PLA2G4C: variants seen among roughly 807,000 people sequenced by gnomAD.
PLA2G4C encodes phospholipase A2 group IVC.
A neutral mutation model predicts 73.8 loss-of-function variants in PLA2G4C; 64 were observed. The observed-to-expected ratio is 0.87, with a 90% confidence interval of 0.71 to 1.07. The LOEUF (loss-of-function observed/expected upper bound fraction) is 1.07. PLA2G4C is among the 50% of genes least tolerant of loss of function. PLA2G4C has a pLI of 0.00. For synonymous variants in PLA2G4C, 254 were observed against 252.1 expected (o/e 1.01, Z -0.07); for missense variants, 622 against 665.4 (o/e 0.93, Z 0.72).
chr19:48,062,056 G>C lies in PLA2G4C; in HGVS notation c.1199C>G (p.Pro400Arg), dbSNP rs371687415. 2 of 1,613,582 alleles carry C rather than the reference G, an allele frequency of 1.2e-6. No homozygotes were observed. The highest frequency in any genetic ancestry group is 1.7e-5 in the Admixed American group (1 of 59,982). Residue 400 changes from proline (P) to arginine (R), a missense_variant, in exon 14 of 17, where the codon CCG becomes CGG. Physicochemically the swap from Pro to Arg is moderately radical, Grantham distance 103 (BLOSUM62 -2). Transcript: ENST00000599921. ...GAGGATGAGGTGAACCTCCCGCGTC[G>C]GGGGCAGCACGAGTGGGAAGGGAGT... The part of the protein sequence containing the change: ...INTPFPLVLP[P>R]TREVHLILSF...
intron 10 of PLA2G4C, among the ~76,000 whole-genome samples, chr19:48,081,424 GA>G (rs925130161): frequency 1.3e-5 from 2 of 152,120 alleles, no homozygotes; most frequent in Non-Finnish European, 2.9e-5. Flanking sequence ...ACGGACTTCA[GA>G]GATTCAGAAA....
At chr19:48,054,675 C>A (rs986860375) in intron 15 of PLA2G4C, among the ~76,000 whole-genome samples, 3 of 152,144 alleles carry the variant, frequency 2.0e-5, no homozygotes, top group African/African-American at 7.2e-5. Context: ...CTCCTTCCTG[C>A]CGCCTTGTGA....
chr19:48,063,084 G>T (rs997612212), intron 13 of PLA2G4C, among the ~76,000 whole-genome samples: 1 of 151,920 alleles, frequency 6.6e-6, no homozygotes, highest in Admixed American at 6.6e-5. Flanking sequence ...TCGTTCTGTT[G>T]CCCAGGCGGG....
At chr19:48,088,856 G>T in intron 8 of PLA2G4C, 144 bp from the exon 9 acceptor site, 1 of 691,380 alleles carries the variant, frequency 1.4e-6, no homozygotes, top group Non-Finnish European at 2.6e-6. Context: ...TGGCTCTCGA[G>T]AGCCAATTTT....
At chr19:48,106,871 T>G (rs896593369) in intron 1 of PLA2G4C, among the ~76,000 whole-genome samples, 1 of 152,114 alleles carries the variant, frequency 6.6e-6, no homozygotes, top group African/African-American at 2.4e-5. Flanking sequence ...TTAGATGAAG[T>G]TTCCCTCTTG....
At chr19:48,090,328 T>A in intron 8 of PLA2G4C, 36 bp downstream of exon 8, 1 of 1,438,814 alleles carries the variant, frequency 7.0e-7, no homozygotes, top group South Asian at 1.1e-5. Flanking sequence ...ATAAAATATC[T>A]CTAGGGTTTG....
chr19:48,110,550 G>T lies in PLA2G4C; in HGVS notation c.-96C>A, dbSNP rs1380478892. On this transcript the variant is annotated 5_prime_UTR_variant, in exon 1 of 17. Transcript: ENST00000599921. ...AGCTTGTGCTCCGGAATCCGGTGCG[G>T]AGGCTTGGGCTCCCTGCGCTTAGCG... The T allele has an allele frequency of 3.3e-6, 5 of 1,524,610 alleles. No homozygotes were observed. The highest frequency in any genetic ancestry group is 1.2e-5 in the South Asian group (1 of 82,866). The allele number at this position is 1,524,610 out of a possible 1,614,324, so 94.4% of individuals were successfully genotyped here.
rs373492146 is a variant in PLA2G4C at position 48,104,732 on chromosome 19, T to C, written c.121-8A>G. 63 of 1,613,152 alleles carry C rather than the reference T, an allele frequency of 3.9e-5. No individual in the cohort carries two copies. The African/African-American group carries it at 5.3e-4, about 14-fold the overall frequency. ...CACAGCAACAACTGGGGCCTAGGCA[T>C]TGGGGAGAAAATCGATCAGAGGTTT... On this transcript the variant is annotated splice_region_variant and splice_polypyrimidine_tract_variant and intron_variant, in intron 3 of 16. Transcript: ENST00000599921.
chr19:48,076,222 T>C (rs1477933539), intron 11 of PLA2G4C, among the ~76,000 whole-genome samples: 1 of 152,204 alleles, frequency 6.6e-6, no homozygotes, highest in Non-Finnish European at 1.5e-5. Flanking sequence ...TGTTGACCTG[T>C]GAAAAAGCCA....
rs370544970 is a variant in PLA2G4C, at chr19:48,049,730, C to T, written c.1581-1342G>A. Among the ~76,000 whole-genome samples, 20 of 152,162 alleles carry T rather than the reference C, an allele frequency of 1.3e-4. No individual in the cohort carries two copies. The East Asian group carries it at 3.3e-3, about 25-fold the overall frequency. On this transcript the variant is annotated intron_variant, in intron 16 of 16. Coordinates refer to ENST00000599921, the MANE Select transcript of PLA2G4C (RefSeq NM_003706.3). ...AGTCAACAAATAAGCATAAATAAGCCCTGAGTTCTACAGGTGAGAAGGTGG... is the reference window on the plus strand; with the variant it reads ...AGTCAACAAATAAGCATAAATAAGCTCTGAGTTCTACAGGTGAGAAGGTGG...
chr19:48,061,926 T>C lies in PLA2G4C; in HGVS notation c.1257+72A>G. ...CCCGCTTCCCAGCCCGCGTCCTCAG[T>C]TCCTCCGCAAAGTCAGCTTCGCCGC... On this transcript the variant is annotated intron_variant, in intron 14 of 16. Transcript: ENST00000599921. The C allele has an allele frequency of 3.3e-6, 5 of 1,509,006 alleles. No individual in the cohort carries two copies. The South Asian group carries it at 5.7e-5, about 17-fold the overall frequency. 93.5% of individuals were successfully genotyped at this position (1,509,006 alleles called of 1,614,324 possible). A position where few individuals can be genotyped will look rare whatever the true frequency, so the allele number is the denominator to read the frequency against.
At position 48,072,695 on chromosome 19, in the gene PLA2G4C, AG is replaced by A. The variant is rs2029885923; in HGVS notation, c.1006+2071del. ...TTGTAGACAAAGGAAACCAGAGAAT[AG>A]ACTGATTTCATCCAACAGAGATAAA... On this transcript the variant is annotated intron_variant, in intron 12 of 16. Transcript: ENST00000599921. The surrounding 1 kb of genome is among the most constrained non-coding windows in gnomAD (Gnocchi z 4.4). The A allele has an allele frequency of 6.6e-6, 1 of 152,228 alleles. No individual in the cohort carries two copies. Among genetic ancestry groups the A allele is most frequent in the Non-Finnish European group, 1.5e-5 (1 of 68,038 alleles). 9.4% of individuals were successfully genotyped at this position (152,228 alleles called of 1,614,324 possible). A position where few individuals can be genotyped will look rare whatever the true frequency, so the allele number is the denominator to read the frequency against.
At chr19:48,081,774 A>G (rs1196305765) in intron 10 of PLA2G4C, among the ~76,000 whole-genome samples, 1 of 141,920 alleles carries the variant, frequency 7.0e-6, no homozygotes, top group African/African-American at 2.7e-5. Context: ...AACAAGAACA[A>G]AAACAAAAAA....
intron 9 of PLA2G4C, 122 bp from the exon 10 acceptor site, chr19:48,085,234 A>T: frequency 2.9e-6 from 2 of 700,266 alleles, no homozygotes; most frequent in Non-Finnish European, 5.1e-6. Context: ...AAGAAAGATC[A>T]TTCTTCCATT....
intron 15 of PLA2G4C, among the ~76,000 whole-genome samples, chr19:48,054,259 C>T (rs1252048604): frequency 6.6e-6 from 1 of 152,146 alleles, no homozygotes; most frequent in East Asian, 1.9e-4. Context: ...TACCCTCATG[C>T]TGTTCTCGTG....
chr19:48,053,852 G>A (rs1190274352), intron 15 of PLA2G4C, among the ~76,000 whole-genome samples: 1 of 152,194 alleles, frequency 6.6e-6, no homozygotes, highest in Non-Finnish European at 1.5e-5. Context: ...ACTGTGGGAA[G>A]TGGCACAATC....
Position 48,110,563 on chromosome 19 carries a change from C to CGGAATCCGGTGCGGAGGCTTGGGCTCT in PLA2G4C, c.-110_-109insAGAGCCCAAGCCTCCGCACCGGATTCC. The stretch of plus-strand genomic sequence containing the variant: ...GAATCCGGTGCGGAGGCTTGGGCTC[C>CGGAATCCGGTGCGGAGGCTTGGGCTCT]CTGCGCTTAGCGGTGTAGTCGCTGG... On this transcript the variant is annotated 5_prime_UTR_variant, in exon 1 of 17. Coordinates refer to ENST00000599921, the MANE Select transcript of PLA2G4C (RefSeq NM_003706.3). 7 of 1,475,054 alleles carry CGGAATCCGGTGCGGAGGCTTGGGCTCT rather than the reference C, an allele frequency of 4.7e-6. No homozygotes were observed. The highest frequency in any genetic ancestry group is 2.8e-5 in the East Asian group (1 of 35,698). 91.4% of individuals were successfully genotyped at this position (1,475,054 alleles called of 1,614,324 possible).
chr19:48,050,877 T>C (rs2122413457), intron 16 of PLA2G4C, among the ~76,000 whole-genome samples: 1 of 152,024 alleles, frequency 6.6e-6, no homozygotes, highest in South Asian at 2.1e-4. Flanking sequence ...TGTCTTGCCA[T>C]GTTGCCCAGG....
chr19:48,054,472 TA>T (rs1967853996), intron 15 of PLA2G4C, among the ~76,000 whole-genome samples: 1 of 143,030 alleles, frequency 7.0e-6, no homozygotes, highest in Non-Finnish European at 1.5e-5. Context: ...CCCAGCAATT[TA>T]TTTTTTTTTG....
Sources: allele counts gnomAD v4.1 joint callset (sites outside exome capture counted in the v4.1 genomes callset), GRCh38; gene constraint gnomAD v4.1.1; non-coding constraint Gnocchi (gnomAD v3.1); transcripts MANE v1.5; gene names NCBI Gene and HGNC (gene_info 2026-07-23, HGNC 2026-07-21).